MYH3: variants seen among roughly 807,000 people sequenced by gnomAD.
MYH3 encodes myosin heavy chain 3, also known as myosin-3.
In MYH3, 130 loss-of-function variants were observed where a neutral mutation model predicts 238.0. The observed-to-expected ratio is 0.55, with a 90% confidence interval of 0.47 to 0.63. MYH3 has a LOEUF of 0.63. Ranked by LOEUF, MYH3 falls within the 30% of genes least tolerant of loss-of-function variation. MYH3 has a pLI of 0.00. For synonymous variants in MYH3, 880 were observed against 924.1 expected (o/e 0.95, Z 0.86); for missense variants, 1,853 against 2,374.9 (o/e 0.78, Z 4.57).
the MYH3 span, among the ~76,000 whole-genome samples, chr17:10,666,226 A>C: frequency 6.6e-6 from 1 of 152,258 alleles, no homozygotes; most frequent in Non-Finnish European, 1.5e-5. Flanking sequence ...ATAAAAAACA[A>C]TAGATAAATC....
Position 10,647,375 on chromosome 17 carries a change from C to A in MYH3, c.787G>T (p.Asp263Tyr), listed in dbSNP as rs771509347. 35 of 1,614,120 alleles carry A rather than the reference C, an allele frequency of 2.2e-5. No individual in the cohort carries two copies. The highest frequency in any genetic ancestry group is 1.7e-4 in the Admixed American group (10 of 60,012). ...FGTTGKLASA[D>Y]IETYLLEKSR... ...TGGATCTACTTACAAGTTTCAATATCTGCAGAGGCCAGCTTCCCAGTGGTT... is the reference window on the plus strand; with the variant it reads ...TGGATCTACTTACAAGTTTCAATATATGCAGAGGCCAGCTTCCCAGTGGTT... The change falls in exon 9 of 41, where the codon GAT (aspartate) becomes TAT (tyrosine). Residue 263 changes from aspartate (D) to tyrosine (Y), a missense_variant. This residue lies in a region of MYH3 where 678 missense variants were observed against 1,058.9 expected (regional missense o/e 0.64). Transcript: ENST00000583535.
At chr17:10,643,612 G>A (rs999960462) in intron 14 of MYH3, among the ~76,000 whole-genome samples, 2 of 152,002 alleles carry the variant, frequency 1.3e-5, no homozygotes, top group African/African-American at 2.4e-5. Flanking sequence ...TTGACCTTGC[G>A]ATCTGCCTGC....
In MYH3 at chr17:10,634,933, C is replaced by T; in HGVS notation, c.4263G>A (p.Arg1421=). The T allele has an allele frequency of 1.9e-6, 3 of 1,614,104 alleles. No homozygotes were observed. Among genetic ancestry groups the T allele is most frequent in the Non-Finnish European group, 2.5e-6 (3 of 1,180,004 alleles). ...TCAGATCCTCCACCTCTCCTTGCAG[C>T]CTCTGCTTGGTCTTCTCCAGTGAAG... The part of the protein sequence containing the change: ...KCASLEKTKQ[R]LQGEVEDLMV... Residue 1421 remains arginine, a synonymous_variant, in exon 31 of 41, where the codon AGG becomes AGA. Coordinates refer to ENST00000583535, the MANE Select transcript of MYH3 (RefSeq NM_002470.4).
chr17:10,641,723 C>G (rs1275356333), intron 17 of MYH3, among the ~76,000 whole-genome samples: 1 of 151,984 alleles, frequency 6.6e-6, no homozygotes, highest in Admixed American at 6.6e-5. Flanking sequence ...ACTGTGTTAG[C>G]CAGGATGGTC....
At position 10,634,668 on chromosome 17, in the gene MYH3, C is replaced by T. The variant is rs2074196351; in HGVS notation, c.4356+172G>A. ...AAGGGACCTCTACCCCCAGCCCATT[C>T]CCATTCTGTTTTGCAGATGAGGAAA... On this transcript the variant is annotated intron_variant, in intron 31 of 40. Transcript: ENST00000583535. Among the ~76,000 whole-genome samples, 2 of 152,204 alleles carry T rather than the reference C, an allele frequency of 1.3e-5. 1 individual carries two copies. Among genetic ancestry groups the T allele is most frequent in the Admixed American group, 1.3e-4 (2 of 15,286 alleles).
chr17:10,631,542 T>A (rs2074157240), intron 36 of MYH3, 69 bp downstream of exon 36: 7 of 1,612,350 alleles, frequency 4.3e-6, no homozygotes, highest in Non-Finnish European at 5.9e-6. Context: ...CGCACCTGTC[T>A]AACTATGTGA....
chr17:10,678,155 TC>T, the MYH3 span: 6 of 152,300 alleles, frequency 3.9e-5, no homozygotes, highest in African/African-American at 1.4e-4. Flanking sequence ...GCTTTTGATT[TC>T]CCAAGATTTG....
rs147626580 is a variant in MYH3, at chr17:10,635,110, A to G, written c.4173-87T>C. The G allele has an allele frequency of 1.0e-4, 147 of 1,435,276 alleles. No individual in the cohort carries two copies. In the East Asian group the frequency reaches 3.1e-3, roughly 31 times the overall value. The allele number at this position is 1,435,276 out of a possible 1,614,324, so 88.9% of individuals were successfully genotyped here. ...TTCATCAAGTTGGAATCACTAATCTATGTGATTCAGACACCCATGTGTTTT... is the reference window on the plus strand; with the variant it reads ...TTCATCAAGTTGGAATCACTAATCTGTGTGATTCAGACACCCATGTGTTTT... On this transcript the variant is annotated intron_variant, in intron 30 of 40. Coordinates refer to ENST00000583535, the MANE Select transcript of MYH3 (RefSeq NM_002470.4).
the MYH3 span, among the ~76,000 whole-genome samples, chr17:10,666,894 C>T: frequency 6.6e-6 from 1 of 152,120 alleles, no homozygotes; most frequent in African/African-American, 2.4e-5. Flanking sequence ...AACAACAAAA[C>T]CCTGCAGATA....
At chr17:10,637,785 A>G in intron 28 of MYH3, 24 bp downstream of exon 28, 1 of 1,613,642 alleles carries the variant, frequency 6.2e-7, no homozygotes, top group Non-Finnish European at 8.5e-7. Context: ...TTTTGGCCCC[A>G]CGGGTTTTCT....
chr17:10,675,089 A>C, the MYH3 span: 1 of 152,302 alleles, frequency 6.6e-6, no homozygotes, highest in Admixed American at 6.5e-5. Context: ...TTTGCCTCTC[A>C]AAGCTGTGGC....
At chr17:10,653,710 G>C (rs774748746) in intron 3 of MYH3, among the ~76,000 whole-genome samples, 1 of 152,122 alleles carries the variant, frequency 6.6e-6, no homozygotes, top group African/African-American at 2.4e-5. Context: ...AGTTTTCCTG[G>C]TTCTGTCTCT....
chr17:10,637,993 C>T (rs371572913), intron 27 of MYH3, 50 bp downstream of exon 27: 1 of 1,614,092 alleles, frequency 6.2e-7, no homozygotes, highest in Non-Finnish European at 8.5e-7. Flanking sequence ...TCAATGACCA[C>T]GGAGTGTGTC....
the MYH3 span, among the ~76,000 whole-genome samples, chr17:10,665,483 C>T: frequency 2.5e-4 from 38 of 152,136 alleles, no homozygotes; most frequent in Non-Finnish European, 5.0e-4. Context: ...TTTAAAGCAG[C>T]GATTTCAAAC....
chr17:10,652,083 AG>A (rs1458958655), intron 4 of MYH3: 7 of 408,782 alleles, frequency 1.7e-5, no homozygotes, highest in Non-Finnish European at 2.8e-5. Context: ...AAACTTATAA[AG>A]GGGGGAGGCT....
At chr17:10,645,667 C>A (rs746093348) in intron 12 of MYH3, 40 bp downstream of exon 12, 2 of 1,610,738 alleles carry the variant, frequency 1.2e-6, no homozygotes, top group South Asian at 1.1e-5. Flanking sequence ...CTCAGCAGAT[C>A]AGCCACCCGC....
intron 40 of MYH3, 134 bp downstream of exon 40, chr17:10,629,462 TA>T: frequency 8.7e-7 from 1 of 1,153,128 alleles, no homozygotes; most frequent in South Asian, 1.5e-5. Context: ...TCCAGTCAGC[TA>T]AGTGACTTTA....
chr17:10,661,174 A>AC (rs1449211440), upstream of MYH3, among the ~76,000 whole-genome samples: 1 of 150,846 alleles, frequency 6.6e-6, no homozygotes, highest in East Asian at 2.0e-4. Context: ...ATGGGTTTTT[A>AC]CCATGTTAGT....
At position 10,638,336 on chromosome 17, in the gene MYH3, C is replaced by A. The variant is rs1351684695; in HGVS notation, c.3436G>T (p.Glu1146Ter). Residue 1146 changes from glutamate to a stop codon, truncating the protein, a stop_gained, in exon 27 of 41, where the codon GAG becomes TAG. Transcript: ENST00000583535. LOFTEE classifies it high-confidence loss of function. The part of the protein sequence containing the change: ...QRSDYARELE[E>*]LSERLEEAGG... ...GCCTCCTCCAGCCGCTCGCTCAGCT[C>A]CTCCAGCTCCCGGGCATAGTCGCTG... 3.1e-6 allele frequency: 5 copies of A among 1,611,276 alleles called. No individual in the cohort carries two copies. The highest frequency in any genetic ancestry group is 4.2e-6 in the Non-Finnish European group (5 of 1,179,990).
Sources: allele counts gnomAD v4.1 joint callset (sites outside exome capture counted in the v4.1 genomes callset), GRCh38; gene constraint gnomAD v4.1.1; regional missense constraint gnomAD v4.1.1; transcripts MANE v1.5; gene names NCBI Gene and HGNC (gene_info 2026-07-23, HGNC 2026-07-21).